FAM107A: variants seen among roughly 807,000 people sequenced by gnomAD.
FAM107A encodes the protein actin-associated protein FAM107A.
Under a neutral mutation model 13.7 loss-of-function variants are expected in FAM107A, and 19 were observed. The observed-to-expected ratio is 1.38, with a 90% CI of 0.97 to 2.03. The LOEUF (loss-of-function observed/expected upper bound fraction) is 2.03, where lower values mean the gene tolerates loss of function less well. FAM107A is among the 30% of genes most tolerant of loss of function. The pLI is 0.00. For missense variants in FAM107A, 203 were observed against 184.4 expected (o/e 1.10, Z -0.58); for synonymous variants, 82 against 74.5 (o/e 1.10, Z -0.52).
intron 1 of FAM107A, among the ~76,000 whole-genome samples, chr3:58,622,975 G>A (rs963378174): frequency 6.6e-6 from 1 of 152,128 alleles, no homozygotes; most frequent in Non-Finnish European, 1.5e-5. Flanking sequence ...CAGAGTCAGG[G>A]TGATGGGATG....
chr3:58,588,344 G>C (rs1433392913), upstream of FAM107A, among the ~76,000 whole-genome samples: 1 of 152,226 alleles, frequency 6.6e-6, no homozygotes, highest in Non-Finnish European at 1.5e-5. Flanking sequence ...GTACCTTCAA[G>C]GCCAACTGTT....
At chr3:58,591,701 C>T (rs1327675338), upstream of FAM107A, among the ~76,000 whole-genome samples, 1 of 152,178 alleles carries the variant, frequency 6.6e-6, no homozygotes, top group East Asian at 1.9e-4. This position sits in a 1 kb window ranked among gnomAD's most constrained non-coding sequence, Gnocchi z 4.3. Context: ...CACGTGCTCC[C>T]GTAGCATGCA....
At chr3:58,583,633 A>T (rs2065571801) in intron 1 of FAM107A, among the ~76,000 whole-genome samples, 1 of 151,176 alleles carries the variant, frequency 6.6e-6, no homozygotes, top group South Asian at 2.1e-4. Context: ...AAAAAAAAAA[A>T]ATTATTTTGA....
intron 1 of FAM107A, among the ~76,000 whole-genome samples, chr3:58,626,669 TGGGGAAGGGGTAC>T (rs1339254390): frequency 6.6e-6 from 1 of 152,204 alleles, no homozygotes; most frequent in African/African-American, 2.4e-5. Context: ...TCCTGGGGTA[TGGGGAAGGGGTAC>T]CCAGGGAGCT....
At chr3:58,580,411 A>ATTTT (rs35805159), upstream of FAM107A, among the ~76,000 whole-genome samples, 32 of 89,028 alleles carry the variant, frequency 3.6e-4, no homozygotes, top group African/African-American at 8.7e-4. Context: ...AGGAATCTGG[A>ATTTT]TTTTTTTTTT....
rs1336858397 is a variant in FAM107A, at chr3:58,613,579, G to A, written c.-70+13837C>T. ...CCTCTCTCCTCTGGCCTTTGTGTAA[G>A]CAGATCTTTCTACCTAGAACACTGT... On this transcript the variant is annotated intron_variant, in intron 1 of 3. Transcript: ENST00000465970. The surrounding 1 kb of genome is among the most constrained non-coding windows in gnomAD (Gnocchi z 4.6). 1.3e-5 allele frequency among the ~76,000 whole-genome samples: 2 copies of A among 152,212 alleles called. No homozygotes were observed. Among genetic ancestry groups the A allele is most frequent in the Non-Finnish European group, 2.9e-5 (2 of 68,036 alleles).
At chr3:58,570,095 G>C (rs1445299853) in intron 1 of FAM107A, among the ~76,000 whole-genome samples, 1 of 152,170 alleles carries the variant, frequency 6.6e-6, no homozygotes, top group Admixed American at 6.5e-5. Context: ...TGATGTTTGC[G>C]ATGTGTCTGG....
At chr3:58,611,369 G>C (rs1457323995) in intron 1 of FAM107A, among the ~76,000 whole-genome samples, 1 of 152,188 alleles carries the variant, frequency 6.6e-6, no homozygotes, top group Non-Finnish European at 1.5e-5. Flanking sequence ...TCCCAGAGAG[G>C]GTGTCATTAT....
chr3:58,606,912 G>T (rs2065799781), intron 1 of FAM107A, among the ~76,000 whole-genome samples: 1 of 152,170 alleles, frequency 6.6e-6, no homozygotes, highest in Non-Finnish European at 1.5e-5. Flanking sequence ...CATGAAGGGG[G>T]ACTGGCCCAG....
In FAM107A at chr3:58,566,663, G is replaced by A. The variant is rs190737468; in HGVS notation, c.360C>T (p.His120=). 2.5e-4 allele frequency: 408 copies of A among 1,613,954 alleles called. 1 individual carries two copies. Among genetic ancestry groups the A allele is most frequent in the Admixed American group, 8.3e-4 (50 of 60,018 alleles). Residue 120 remains histidine (H), a synonymous_variant, in exon 4 of 4, where the codon CAC becomes CAT. Transcript: ENST00000360997. The stretch of plus-strand genomic sequence containing the variant: ...CCCTGACTTTAATAAACTCGGGGGC[G>A]TGATCCTCTTCCTTCTCTGGTGGTT... The part of the protein sequence containing the change: ...LEKPPEKEED[H]APEFIKVREN...
In FAM107A at chr3:58,567,370, G is replaced by A; in HGVS notation, c.171-6C>T. On this transcript the variant is annotated splice_polypyrimidine_tract_variant and splice_region_variant and intron_variant, in intron 2 of 3. Coordinates refer to ENST00000360997, the MANE Select transcript of FAM107A (RefSeq NM_001076778.3). ...TGCTGTCCACACCAAGGCCCCTGGGGTGGGAAGTGGGGAGCTGTCAGGAGA... is the reference window on the plus strand; with the variant it reads ...TGCTGTCCACACCAAGGCCCCTGGGATGGGAAGTGGGGAGCTGTCAGGAGA... 1.2e-6 allele frequency: 2 copies of A among 1,607,896 alleles called. No homozygotes were observed. Among genetic ancestry groups the A allele is most frequent in the East Asian group, 2.2e-5 (1 of 44,624 alleles).
upstream of FAM107A, among the ~76,000 whole-genome samples, chr3:58,580,981 T>C (rs1367500413): frequency 6.6e-6 from 1 of 152,162 alleles, no homozygotes; most frequent in Non-Finnish European, 1.5e-5. Flanking sequence ...CATCAGAATA[T>C]GGGAAAACAG....
At chr3:58,576,617 G>C (rs1488872219) in intron 1 of FAM107A, among the ~76,000 whole-genome samples, 1 of 152,198 alleles carries the variant, frequency 6.6e-6, no homozygotes, top group African/African-American at 2.4e-5. Flanking sequence ...TTCAAAAAGT[G>C]ACACACCCAA....
rs118104070 is a variant in FAM107A at position 58,598,357 on chromosome 3, C to T, written c.-69-9088G>A. ...CTCAGCCGAGGTGCAGTAATGAGGG[C>T]ACTGTTTTCTATCAAAGGAGGCCTC... On this transcript the variant is annotated intron_variant, in intron 1 of 3. Coordinates refer to the FAM107A transcript ENST00000465970. 1.0e-3 allele frequency among the ~76,000 whole-genome samples: 159 copies of T among 152,258 alleles called. 4 individuals are homozygous for T. The East Asian group carries it at 0.028, about 27-fold the overall frequency.
rs1412167142 is a variant in FAM107A at position 58,613,898 on chromosome 3, C to G, written c.-70+13518G>C. 6.6e-6 allele frequency among the ~76,000 whole-genome samples: 1 copy of G among 152,262 alleles called. No individual in the cohort carries two copies. ...ATCTGCCTCAGACAGCCTTCTGGCT[C>G]TGGCTCCTGCAGGTGCCACAACTCC... On this transcript the variant is annotated intron_variant, in intron 1 of 3. Coordinates refer to the FAM107A transcript ENST00000465970. This position sits in a 1 kb window ranked among gnomAD's most constrained non-coding sequence, Gnocchi z 4.6.
chr3:58,601,850 T>G (rs1450306645), intron 1 of FAM107A, among the ~76,000 whole-genome samples: 1 of 152,234 alleles, frequency 6.6e-6, no homozygotes, highest in Non-Finnish European at 1.5e-5. Context: ...GGGTTTGGAA[T>G]TTTGGCAAAA....
chr3:58,611,861 C>G (rs1490910768), intron 1 of FAM107A, among the ~76,000 whole-genome samples: 1 of 152,206 alleles, frequency 6.6e-6, no homozygotes, highest in Non-Finnish European at 1.5e-5. Context: ...TAATTACTAA[C>G]TAAATGGTAA....
At chr3:58,572,351 G>C (rs1000854459) in intron 1 of FAM107A, among the ~76,000 whole-genome samples, 2 of 152,110 alleles carry the variant, frequency 1.3e-5, no homozygotes, top group African/African-American at 4.8e-5. Flanking sequence ...AAGGCTCCAG[G>C]CTCCCATAGA....
At chr3:58,622,449 GC>G (rs34536277) in intron 1 of FAM107A, among the ~76,000 whole-genome samples, 57,498 of 151,720 alleles carry the variant, frequency 0.38, 11,862 homozygotes, top group East Asian at 0.6. Flanking sequence ...CTACCCCTAT[GC>G]CCCCCCCAAA....
Sources: allele counts gnomAD v4.1 joint callset (sites outside exome capture counted in the v4.1 genomes callset), GRCh38; gene constraint gnomAD v4.1.1; non-coding constraint Gnocchi (gnomAD v3.1); transcripts MANE v1.5; gene names NCBI Gene and HGNC (gene_info 2026-07-23, HGNC 2026-07-21).